MSRA: variants seen among roughly 807,000 people sequenced by gnomAD.
MSRA encodes mitochondrial peptide methionine sulfoxide reductase.
A neutral mutation model predicts 31.3 loss-of-function variants in MSRA; 54 were observed. That is an observed-to-expected ratio of 1.73 (90% CI 1.39 to 2.17). MSRA has a LOEUF of 2.17. Among genes scored for constraint, MSRA ranks in the 30% most tolerant of loss-of-function variants. MSRA has a pLI of 0.00. For synonymous variants in MSRA, 169 were observed against 116.5 expected (o/e 1.45, Z -2.90); for missense variants, 507 against 300.9 (o/e 1.69, Z -5.07).
chr8:10,075,603 G>C (rs1563402617), intron 1 of MSRA, among the ~76,000 whole-genome samples: 1 of 152,178 alleles, frequency 6.6e-6, no homozygotes, highest in Non-Finnish European at 1.5e-5. Context: ...ATATCCTAAA[G>C]AGATCCACAG....
intron 1 of MSRA, among the ~76,000 whole-genome samples, chr8:10,067,870 C>T (rs993336393): frequency 8.8e-6 from 1 of 114,086 alleles, no homozygotes; most frequent in East Asian, 2.6e-4. Flanking sequence ...TGTTTTCTTA[C>T]TGAGTTTTTT....
chr8:10,191,283 C>A (rs905931839), intron 1 of MSRA, among the ~76,000 whole-genome samples: 1 of 152,220 alleles, frequency 6.6e-6, no homozygotes, highest in Non-Finnish European at 1.5e-5. Context: ...ACCCCAGACT[C>A]ACCTAACCAA....
intron 5 of MSRA, among the ~76,000 whole-genome samples, chr8:10,341,024 C>T (rs7837979): frequency 0.45 from 68,730 of 152,062 alleles, 16,104 homozygotes; most frequent in East Asian, 0.64. Context: ...AATTTAGATG[C>T]CAAGTGAGAG....
intron 1 of MSRA, among the ~76,000 whole-genome samples, chr8:10,061,845 G>T (rs1381434989): frequency 6.6e-6 from 1 of 151,622 alleles, no homozygotes; most frequent in Admixed American, 6.6e-5. Context: ...CCAGGATGAA[G>T]GGTGGGGAAC....
chr8:10,216,352 G>A (rs530715606), intron 2 of MSRA, among the ~76,000 whole-genome samples: 2 of 152,242 alleles, frequency 1.3e-5, no homozygotes, highest in South Asian at 4.1e-4. Flanking sequence ...ATGTTTCCTA[G>A]CAGCAACATG....
In MSRA at chr8:10,323,962, T is replaced by C. The variant is rs200890710; in HGVS notation, c.543+3973T>C. ...GGGACAAATGCTGTCATATCTCTTTTATGGTTTTGCATAAATAAAACTGAC... is the reference window on the plus strand; with the variant it reads ...GGGACAAATGCTGTCATATCTCTTTCATGGTTTTGCATAAATAAAACTGAC... On this transcript the variant is annotated intron_variant, in intron 5 of 5. Transcript: ENST00000317173. Among the ~76,000 whole-genome samples the C allele has an allele frequency of 1.8e-4, 27 of 152,366 alleles. No homozygotes were observed. In the East Asian group the frequency reaches 5.2e-3, roughly 29 times the overall value.
intron 1 of MSRA, among the ~76,000 whole-genome samples, chr8:10,196,675 G>A (rs181473917): frequency 0.01 from 1,595 of 151,986 alleles, 21 homozygotes; most frequent in Middle Eastern, 0.027. Context: ...TCACCCTCCC[G>A]AGTAGCTGGA....
intron 5 of MSRA, among the ~76,000 whole-genome samples, chr8:10,351,914 G>T (rs895175622): frequency 2.6e-5 from 4 of 152,216 alleles, no homozygotes; most frequent in Admixed American, 2.0e-4. Flanking sequence ...CTGGCTGTCC[G>T]ACGGCCACAT....
chr8:10,232,929 G>A (rs577367616), intron 2 of MSRA, among the ~76,000 whole-genome samples: 1 of 152,340 alleles, frequency 6.6e-6, no homozygotes, highest in Non-Finnish European at 1.5e-5. Flanking sequence ...AAGTCATGAT[G>A]TAAGTTTGAA....
chr8:10,216,127 A>G (rs11249974), intron 2 of MSRA, among the ~76,000 whole-genome samples: 1 of 152,136 alleles, frequency 6.6e-6, no homozygotes, highest in African/African-American at 2.4e-5. Context: ...ACCTAATATT[A>G]TTTTTCTTGT....
chr8:10,186,534 G>T (rs1471577395), intron 1 of MSRA, among the ~76,000 whole-genome samples: 2 of 152,188 alleles, frequency 1.3e-5, no homozygotes, highest in East Asian at 3.9e-4. Context: ...AAAACAGGAG[G>T]CAGGCTGGAT....
At chr8:10,080,456 C>G (rs1798236878) in intron 1 of MSRA, among the ~76,000 whole-genome samples, 1 of 151,974 alleles carries the variant, frequency 6.6e-6, no homozygotes, top group Non-Finnish European at 1.5e-5. Context: ...AGGTTCTTTC[C>G]ACAGGACTGC....
chr8:10,171,071 T>A (rs145785678), intron 1 of MSRA, among the ~76,000 whole-genome samples: 140 of 152,334 alleles, frequency 9.2e-4, no homozygotes, highest in Non-Finnish European at 1.6e-3. Flanking sequence ...TTGAGAGCAC[T>A]GTCATTTTTA....
chr8:10,066,195 C>G (rs1055141915), intron 1 of MSRA, among the ~76,000 whole-genome samples: 1 of 151,966 alleles, frequency 6.6e-6, no homozygotes, highest in African/African-American at 2.4e-5. Flanking sequence ...CCATGTTGGC[C>G]AGGCTGGTCT....
chr8:10,094,184 G>C (rs990415252), intron 1 of MSRA, among the ~76,000 whole-genome samples: 2 of 152,294 alleles, frequency 1.3e-5, no homozygotes, highest in African/African-American at 4.8e-5. Flanking sequence ...TATCTCTGTA[G>C]CATTTTATTG....
chr8:10,250,470 A>C (rs1797857021), intron 3 of MSRA: 1 of 702,362 alleles, frequency 1.4e-6, no homozygotes. Flanking sequence ...AAGCTTTTAG[A>C]AATCTGCACA....
intron 1 of MSRA, among the ~76,000 whole-genome samples, chr8:10,156,619 A>G (rs574794784): frequency 6.6e-6 from 1 of 152,174 alleles, no homozygotes; most frequent in South Asian, 2.1e-4. Context: ...ATATGGACAC[A>G]TAGAGACATG....
intron 3 of MSRA, among the ~76,000 whole-genome samples, chr8:10,270,789 A>C (rs943279525): frequency 1.6e-4 from 25 of 152,362 alleles, no homozygotes; most frequent in African/African-American, 5.8e-4. Flanking sequence ...TGTGATTCCA[A>C]GATCTTCGGG....
intron 4 of MSRA, among the ~76,000 whole-genome samples, chr8:10,304,598 C>T (rs939543693): frequency 6.6e-6 from 1 of 152,172 alleles, no homozygotes; most frequent in Non-Finnish European, 1.5e-5. Context: ...GCCTGCTCCT[C>T]GAAGGATGGA....
Sources: gnomAD v4.1 joint callset for allele counts (sites outside exome capture counted in the v4.1 genomes callset) on GRCh38, gnomAD v4.1.1 for gene constraint, MANE v1.5 for transcripts, NCBI Gene and HGNC (gene_info 2026-07-23, HGNC 2026-07-21) for gene names.